Variants in SOX5 observed in about 807,000 individuals in gnomAD.
The protein encoded by SOX5 is SRY-box transcription factor 5, also known as transcription factor SOX-5.
A neutral mutation model predicts 92.0 loss-of-function variants in SOX5; 9 were observed. That is an observed-to-expected ratio of 0.10 (90% CI 0.06 to 0.17). The LOEUF is 0.17. Ranked by LOEUF, SOX5 falls within the 10% of genes least tolerant of loss-of-function variation. The pLI is 1.00. For missense variants in SOX5, 642 were observed against 944.5 expected (o/e 0.68, Z 4.20); for synonymous variants, 344 against 336.3 (o/e 1.02, Z -0.25).
intron 8 of SOX5, among the ~76,000 whole-genome samples, chr12:23,617,663 G>T (rs1175339393): frequency 6.6e-6 from 1 of 152,104 alleles, no homozygotes; most frequent in Non-Finnish European, 1.5e-5. Flanking sequence ...TCACAGGTAT[G>T]ATGCTCTCAT....
intron 11 of SOX5, among the ~76,000 whole-genome samples, chr12:23,551,614 G>A (rs1406630455): frequency 6.6e-6 from 1 of 151,798 alleles, no homozygotes; most frequent in African/African-American, 2.4e-5. Flanking sequence ...ATTTATCCGT[G>A]AGAATAGCCA....
chr12:24,454,769 T>G (rs1463572363), intron 1 of SOX5, among the ~76,000 whole-genome samples: 1 of 152,214 alleles, frequency 6.6e-6, no homozygotes, highest in African/African-American at 2.4e-5. Flanking sequence ...TTATTTGAAT[T>G]ATGTTTATGG....
At chr12:24,022,918 G>A (rs993181237) in intron 4 of SOX5, among the ~76,000 whole-genome samples, 1 of 104,326 alleles carries the variant, frequency 9.6e-6, no homozygotes, top group Non-Finnish European at 2.1e-5. Flanking sequence ...TTCTGACCAT[G>A]GGTAAAAAAA....
At chr12:23,730,288 A>G (rs1340167237) in intron 6 of SOX5, among the ~76,000 whole-genome samples, 2 of 152,206 alleles carry the variant, frequency 1.3e-5, no homozygotes, top group African/African-American at 4.8e-5. Flanking sequence ...AATTTCATCT[A>G]TTAATATGCA....
intron 4 of SOX5, among the ~76,000 whole-genome samples, chr12:23,981,426 T>C (rs1952855752): frequency 1.3e-5 from 2 of 152,224 alleles, no homozygotes; most frequent in Non-Finnish European, 2.9e-5. Flanking sequence ...TAATAGTAAT[T>C]AAATTTGAAA....
At chr12:23,898,566 A>G (rs1298710273) in intron 1 of SOX5, among the ~76,000 whole-genome samples, 1 of 152,250 alleles carries the variant, frequency 6.6e-6, no homozygotes, top group Non-Finnish European at 1.5e-5. Context: ...AAGTAGACAC[A>G]GGTTGTTAAG....
At chr12:23,652,186 C>T (rs1203842447) in intron 7 of SOX5, among the ~76,000 whole-genome samples, 1 of 151,968 alleles carries the variant, frequency 6.6e-6, no homozygotes, top group African/African-American at 2.4e-5. Context: ...TTTTAATGAA[C>T]ATATATCTGC....
chr12:24,030,431 T>A (rs989975316), intron 4 of SOX5, among the ~76,000 whole-genome samples: 46 of 151,890 alleles, frequency 3.0e-4, no homozygotes, highest in African/African-American at 1.1e-3. Context: ...GTGCCAAAAA[T>A]ATATAATGAG....
intron 4 of SOX5, among the ~76,000 whole-genome samples, chr12:24,077,079 A>G (rs1413113949): frequency 6.6e-6 from 1 of 152,164 alleles, no homozygotes; most frequent in Non-Finnish European, 1.5e-5. Context: ...GGAAAAATAC[A>G]TTCTAAATAA....
chr12:23,916,253 C>G (rs1049269683), intron 1 of SOX5, among the ~76,000 whole-genome samples: 1 of 152,094 alleles, frequency 6.6e-6, no homozygotes, highest in Non-Finnish European at 1.5e-5. Context: ...TTTTATACTT[C>G]TAATAAAATG....
chr12:24,515,815 A>G (rs1195688964), intron 1 of SOX5, among the ~76,000 whole-genome samples: 1 of 152,218 alleles, frequency 6.6e-6, no homozygotes, highest in South Asian at 2.1e-4. Context: ...CAATTGCTCA[A>G]TTACAACTGT....
chr12:23,824,015 C>T (rs1456049529), intron 3 of SOX5, among the ~76,000 whole-genome samples: 6 of 152,324 alleles, frequency 3.9e-5, no homozygotes, highest in African/African-American at 1.4e-4. Flanking sequence ...AGCAATTTGT[C>T]TAACCTTTTT....
chr12:23,843,752 C>T (rs562133152), intron 3 of SOX5, among the ~76,000 whole-genome samples: 4 of 151,532 alleles, frequency 2.6e-5, no homozygotes, highest in South Asian at 2.1e-4. Flanking sequence ...TTAGTAGAGA[C>T]GGGGTTTCAC....
chr12:24,322,763 T>G (rs1385977462), intron 2 of SOX5, among the ~76,000 whole-genome samples: 2 of 152,132 alleles, frequency 1.3e-5, no homozygotes, highest in African/African-American at 4.8e-5. Flanking sequence ...ACCTTTAGCT[T>G]GAGGAAGAAA....
chr12:23,765,119 T>C (rs2094678399), intron 3 of SOX5, among the ~76,000 whole-genome samples: 1 of 152,048 alleles, frequency 6.6e-6, no homozygotes, highest in Non-Finnish European at 1.5e-5. Context: ...TATAATCGTA[T>C]ATTAAAATTT....
At chr12:23,791,201 C>T (rs903538506) in intron 3 of SOX5, among the ~76,000 whole-genome samples, 1 of 152,198 alleles carries the variant, frequency 6.6e-6, no homozygotes, top group Admixed American at 6.6e-5. Flanking sequence ...TTGGGTCCAA[C>T]TCCTGACTAT....
At chr12:24,043,964 T>G (rs1956765273) in intron 4 of SOX5, among the ~76,000 whole-genome samples, 1 of 152,142 alleles carries the variant, frequency 6.6e-6, no homozygotes, top group Non-Finnish European at 1.5e-5. Context: ...AGATTTGGGG[T>G]AAGGATTATA....
chr12:24,363,450 T>C (rs1042071768), intron 2 of SOX5, among the ~76,000 whole-genome samples: 4 of 152,124 alleles, frequency 2.6e-5, no homozygotes, highest in Admixed American at 2.6e-4. Context: ...ATTTACAATA[T>C]TGAGTAGAAA....
chr12:24,414,211 A>G (rs948175402), intron 1 of SOX5, among the ~76,000 whole-genome samples: 11 of 152,128 alleles, frequency 7.2e-5, no homozygotes, highest in African/African-American at 2.7e-4. Context: ...CAGTATTATT[A>G]TTATCCTTGA....
Sources: allele counts gnomAD v4.1 joint callset (sites outside exome capture counted in the v4.1 genomes callset), GRCh38; gene constraint gnomAD v4.1.1; transcripts MANE v1.5; gene names NCBI Gene and HGNC (gene_info 2026-07-23, HGNC 2026-07-21).